Variants in ZNF540 observed in about 807,000 individuals in gnomAD.
The protein encoded by ZNF540 is CTD-3064H18.6.
In ZNF540, 3 loss-of-function variants were observed where a neutral mutation model predicts 11.8. The observed-to-expected ratio is 0.25, with a 90% CI of 0.12 to 0.65. The LOEUF (loss-of-function observed/expected upper bound fraction) is 0.65, where lower values mean the gene tolerates loss of function less well. Ranked by LOEUF, ZNF540 falls within the 30% of genes least tolerant of loss-of-function variation. ZNF540 has a pLI of 0.83. For missense variants in ZNF540, 709 were observed against 793.1 expected (o/e 0.89, Z 1.27); for synonymous variants, 247 against 259.0 (o/e 0.95, Z 0.45).
In ZNF540 at chr19:37,599,711, G is replaced by C. The variant is rs141500783; in HGVS notation, c.95G>C (p.Arg32Thr). The C allele has an allele frequency of 6.2e-7, 1 of 1,612,586 alleles. No homozygotes were observed. Among genetic ancestry groups the C allele is most frequent in the Non-Finnish European group, 8.5e-7 (1 of 1,179,284 alleles). The change falls in exon 3 of 5, where the codon AGA becomes ACA. Residue 32 changes from arginine (R) to threonine (T), a missense_variant. Transcript: ENST00000316433. The stretch of plus-strand genomic sequence containing the variant: ...GACACTACCCAGAGGAAATTGTACA[G>C]AGATGTGATGTTGGAGAATTATAAT... ...CLDTTQRKLY[R>T]DVMLENYNNL...
At chr19:37,552,194 T>C (rs140627340) in intron 1 of ZNF540, among the ~76,000 whole-genome samples, 1 of 152,372 alleles carries the variant, frequency 6.6e-6, no homozygotes, top group East Asian at 1.9e-4. Context: ...AAACATTTTT[T>C]AATTTTGACA....
At chr19:37,591,539 T>C (rs754922075), upstream of ZNF540, among the ~76,000 whole-genome samples, 1 of 152,210 alleles carries the variant, frequency 6.6e-6, no homozygotes, top group East Asian at 1.9e-4. Flanking sequence ...TGCCTTTCCA[T>C]ATGAACTGTA....
At chr19:37,555,595 G>T (rs2042650912) in intron 1 of ZNF540, 2 of 339,228 alleles carry the variant, frequency 5.9e-6, no homozygotes, top group Non-Finnish European at 1.1e-5. Flanking sequence ...CGAACTTTTG[G>T]AGTGTATCTT....
chr19:37,555,940 A>T (rs986787222), intron 1 of ZNF540: 1 of 700,940 alleles, frequency 1.4e-6, no homozygotes, highest in Non-Finnish European at 2.6e-6. Context: ...AAAGTTACAC[A>T]TGTCCAATCA....
At chr19:37,596,730 A>C (rs2043999182) in intron 1 of ZNF540, among the ~76,000 whole-genome samples, 1 of 152,094 alleles carries the variant, frequency 6.6e-6, no homozygotes, top group African/African-American at 2.4e-5. Flanking sequence ...TAAATTTCTA[A>C]TTTACCCTCT....
intron 1 of ZNF540, among the ~76,000 whole-genome samples, chr19:37,578,580 C>CA (rs1274321422): frequency 6.6e-6 from 1 of 152,216 alleles, no homozygotes; most frequent in African/African-American, 2.4e-5. Context: ...AAGCCGCAGT[C>CA]ACAGTGCTGA....
intron 1 of ZNF540, among the ~76,000 whole-genome samples, chr19:37,558,706 T>C (rs1351610873): frequency 1.3e-5 from 2 of 152,226 alleles, no homozygotes; most frequent in Non-Finnish European, 2.9e-5. Flanking sequence ...AGCATGTCTC[T>C]GTTATCTTCT....
intron 1 of ZNF540, among the ~76,000 whole-genome samples, chr19:37,571,295 G>A (rs1249579299): frequency 6.6e-6 from 1 of 152,060 alleles, no homozygotes; most frequent in Non-Finnish European, 1.5e-5. Flanking sequence ...GGGAGTTTGA[G>A]ACCAGCCTGG....
chr19:37,601,077 G>T lies in ZNF540; in HGVS notation c.204G>T (p.Ala68=), dbSNP rs752727011. 9.5e-6 allele frequency: 15 copies of T among 1,585,678 alleles called. No homozygotes were observed. The highest frequency in any genetic ancestry group is 6.9e-5 in the East Asian group (3 of 43,234). Residue 68 remains alanine, a synonymous_variant, in exon 4 of 5, where the codon GCG becomes GCT. Coordinates refer to ENST00000316433, the MANE Select transcript of ZNF540 (RefSeq NM_001172225.3). Reference sequence around the variant, plus strand: ...AAGGGAAAGAGCCCTGCGTGGTGGCGAGGGATGTGACAGGAAGACAGTGCC... The same window carrying T: ...AAGGGAAAGAGCCCTGCGTGGTGGCTAGGGATGTGACAGGAAGACAGTGCC... ...LEQGKEPCVV[A]RDVTGRQCPG...
At chr19:37,564,915 T>A (rs1287145235) in intron 1 of ZNF540, 5 of 1,613,948 alleles carry the variant, frequency 3.1e-6, no homozygotes, top group Non-Finnish European at 4.2e-6. Flanking sequence ...TCACATTCCT[T>A]ACATTTGTAG....
intron 1 of ZNF540, among the ~76,000 whole-genome samples, chr19:37,557,564 C>A (rs549135586): frequency 2.6e-5 from 4 of 152,180 alleles, no homozygotes; most frequent in Admixed American, 6.5e-5. Flanking sequence ...TTTCGTACTC[C>A]CTGCTCGAGA....
chr19:37,568,418 A>C (rs1435579518), intron 1 of ZNF540, among the ~76,000 whole-genome samples: 2 of 151,848 alleles, frequency 1.3e-5, no homozygotes, highest in East Asian at 3.9e-4. Flanking sequence ...TGTTTCTTTC[A>C]TAGAAGAACA....
chr19:37,583,004 A>G lies in ZNF540; in HGVS notation c.-72-15372A>G, dbSNP rs531926153. ...CTTGCAACAACCAACAAGGTCCTACATGATTTGACCTCTGCCTATTTCTCT... is the reference window on the plus strand; with the variant it reads ...CTTGCAACAACCAACAAGGTCCTACGTGATTTGACCTCTGCCTATTTCTCT... On this transcript the variant is annotated intron_variant, in intron 1 of 4. Transcript: ENST00000592533. 2.0e-5 allele frequency among the ~76,000 whole-genome samples: 3 copies of G among 152,308 alleles called. No homozygotes were observed. The South Asian group carries it at 6.2e-4, about 32-fold the overall frequency.
upstream of ZNF540, among the ~76,000 whole-genome samples, chr19:37,589,864 C>CAAAAAAAAAAAAA: frequency 3.4e-5 from 1 of 29,588 alleles, no homozygotes; most frequent in Non-Finnish European, 5.5e-5. Flanking sequence ...GACTCCATCT[C>CAAAAAAAAAAAAA]AAAAAAAAAA....
At chr19:37,591,674 A>G (rs1874078200), upstream of ZNF540, among the ~76,000 whole-genome samples, 1 of 152,030 alleles carries the variant, frequency 6.6e-6, no homozygotes, top group South Asian at 2.1e-4. Context: ...CCTCCCGAGT[A>G]GCTGGGATTA....
chr19:37,594,247 C>G (rs948944761), upstream of ZNF540: 5 of 152,304 alleles, frequency 3.3e-5, no homozygotes, highest in African/African-American at 1.2e-4. Context: ...GCAGCTGTAA[C>G]CGCACGATTC....
upstream of ZNF540, among the ~76,000 whole-genome samples, chr19:37,591,999 T>C (rs2043882508): frequency 6.6e-6 from 1 of 152,184 alleles, no homozygotes; most frequent in Admixed American, 6.5e-5. Context: ...GCCTCACACT[T>C]GTAATCCCAG....
At chr19:37,562,440 T>C (rs2042728305) in intron 1 of ZNF540, 1 of 152,106 alleles carries the variant, frequency 6.6e-6, no homozygotes, top group Non-Finnish European at 1.5e-5. Flanking sequence ...ACACTGCATA[T>C]AGAAAAGGTA....
chr19:37,584,121 GA>G, intron 1 of ZNF540: 1 of 1,613,640 alleles, frequency 6.2e-7, no homozygotes, highest in Non-Finnish European at 8.5e-7. Flanking sequence ...TCCATTACAG[GA>G]TGATTCTACA....
Sources: allele counts gnomAD v4.1 joint callset (sites outside exome capture counted in the v4.1 genomes callset), GRCh38; gene constraint gnomAD v4.1.1; transcripts MANE v1.5; gene names NCBI Gene and HGNC (gene_info 2026-07-23, HGNC 2026-07-21).